Variants in BSPH1 observed in about 807,000 individuals in gnomAD.
BSPH1 encodes binder of sperm 1.
A neutral mutation model predicts 22.5 loss-of-function variants in BSPH1; 21 were observed. That is an observed-to-expected ratio of 0.93 (90% CI 0.66 to 1.35). The LOEUF is 1.35. Ranked by LOEUF, BSPH1 falls within the 40% of genes most tolerant of loss-of-function variation. The probability of loss-of-function intolerance (pLI) is 0.00; values close to 1 mark genes in which losing one functional copy is unlikely to be tolerated. For missense variants in BSPH1, 141 were observed against 154.2 expected, an observed-to-expected ratio of 0.91 and a Z score of 0.45; for synonymous variants, 42 against 53.6, an observed-to-expected ratio of 0.78 and a Z score of 0.95.
intron 1 of BSPH1, among the ~76,000 whole-genome samples, chr19:47,983,582 T>TGA (rs1386714084): frequency 6.6e-6 from 1 of 152,090 alleles, no homozygotes; most frequent in Non-Finnish European, 1.5e-5. Flanking sequence ...TGCTATAAAA[T>TGA]TATGAGTCCC....
At chr19:47,987,986 C>G (rs1969486753) in intron 1 of BSPH1, among the ~76,000 whole-genome samples, 1 of 151,510 alleles carries the variant, frequency 6.6e-6, no homozygotes, top group Non-Finnish European at 1.5e-5. Flanking sequence ...ACAGAGTGAG[C>G]CCTTGTCTCA....
chr19:47,972,280 CT>C lies in BSPH1; in HGVS notation c.*3-4072del, dbSNP rs71181620. 3.2e-3 allele frequency among the ~76,000 whole-genome samples: 443 copies of C among 136,724 alleles called. 1 individual carries two copies. The highest frequency in any genetic ancestry group is 4.9e-3 in the African/African-American group (174 of 35,294). The allele number at this position is 136,724 out of a possible 152,430, so 89.7% of individuals were successfully genotyped here. On this transcript the variant is annotated intron_variant, in intron 5 of 5. Transcript: ENST00000344839. ...GTTGTCCCATGCTAACCTTGATATT[CT>C]TTTTTTTTTTTTTTTTTAACTTTTA...
chr19:47,974,269 C>CTCTCTT (rs57733472), intron 5 of BSPH1, among the ~76,000 whole-genome samples: 1,682 of 75,902 alleles, frequency 0.022, 50 homozygotes, highest in African/African-American at 0.073. Context: ...CTCTCTCTCT[C>CTCTCTT]TTTTTTTTTT....
At chr19:47,967,580 A>C (rs1287627098), downstream of BSPH1, among the ~76,000 whole-genome samples, 4 of 152,178 alleles carry the variant, frequency 2.6e-5, no homozygotes, top group Non-Finnish European at 5.9e-5. Flanking sequence ...CCCTCTGTGC[A>C]CACACATCCC....
chr19:47,987,123 A>T (rs1482593018), intron 1 of BSPH1, among the ~76,000 whole-genome samples: 1 of 152,218 alleles, frequency 6.6e-6, no homozygotes, highest in Non-Finnish European at 1.5e-5. Context: ...GACCTATTTC[A>T]AATACAGTCA....
At chr19:47,989,390 C>T (rs949921624) in intron 1 of BSPH1, among the ~76,000 whole-genome samples, 10 of 151,994 alleles carry the variant, frequency 6.6e-5, no homozygotes, top group Admixed American at 2.0e-4. Flanking sequence ...GTGATCCGCC[C>T]GCCTCGGCCT....
intron 3 of BSPH1, chr19:47,977,809 C>T (rs1039201593): frequency 1.9e-5 from 6 of 323,768 alleles, no homozygotes; most frequent in Non-Finnish European, 2.2e-5. Flanking sequence ...CATTTATCTA[C>T]CCAACAATTC....
intron 5 of BSPH1, among the ~76,000 whole-genome samples, chr19:47,972,582 A>G (rs902155914): frequency 6.6e-6 from 1 of 152,088 alleles, no homozygotes; most frequent in Non-Finnish European, 1.5e-5. Flanking sequence ...TAACCTTGAT[A>G]TAGTTACGTG....
At position 47,976,611 on chromosome 19, in the gene BSPH1, C is replaced by T. The variant is rs568372115; in HGVS notation, c.*2+99G>A. On this transcript the variant is annotated intron_variant, in intron 5 of 5. Coordinates refer to ENST00000344839, the MANE Select transcript of BSPH1 (RefSeq NM_001128326.2). ...AAAAAAAAAAACAAAAAAAAACCCT[C>T]TCTAATGAGAAAGGGTTCTCCTCTG... 7.9e-5 allele frequency: 51 copies of T among 643,586 alleles called. 1 individual carries two copies. The South Asian group carries it at 1.1e-3, about 14-fold the overall frequency. The allele number at this position is 643,586 out of a possible 1,614,324, so 39.9% of individuals were successfully genotyped here. A position where few individuals can be genotyped will look rare whatever the true frequency, so the allele number is the denominator to read the frequency against.
At chr19:47,972,798 C>A (rs1429316351) in intron 5 of BSPH1, among the ~76,000 whole-genome samples, 1 of 151,296 alleles carries the variant, frequency 6.6e-6, no homozygotes, top group Non-Finnish European at 1.5e-5. Context: ...TAAAAAATTC[C>A]CAGTTTTATT....
At chr19:47,991,883 C>T in intron 1 of BSPH1, 126 bp downstream of exon 1, 1 of 533,756 alleles carries the variant, frequency 1.9e-6, no homozygotes, top group Non-Finnish European at 3.5e-6. Flanking sequence ...CCTCCTCCTT[C>T]CCCTCTTCCC....
At chr19:47,986,629 C>T (rs891890655) in intron 1 of BSPH1, among the ~76,000 whole-genome samples, 1 of 151,906 alleles carries the variant, frequency 6.6e-6, no homozygotes, top group African/African-American at 2.4e-5. Flanking sequence ...CCTGTAGTCC[C>T]AGCTACTTGG....
intron 3 of BSPH1, among the ~76,000 whole-genome samples, chr19:47,978,391 A>G (rs1305071448): frequency 6.6e-6 from 1 of 152,176 alleles, no homozygotes; most frequent in East Asian, 1.9e-4. Context: ...GTCATGAGCC[A>G]CTGAGTCCGG....
chr19:47,982,589 C>T (rs1969429102), intron 1 of BSPH1, among the ~76,000 whole-genome samples: 1 of 152,158 alleles, frequency 6.6e-6, no homozygotes, highest in Admixed American at 6.5e-5. Flanking sequence ...AACCCAGATC[C>T]CTTCCACTTC....
intron 5 of BSPH1, among the ~76,000 whole-genome samples, chr19:47,974,666 C>G (rs1270285981): frequency 6.6e-6 from 1 of 151,972 alleles, no homozygotes; most frequent in Non-Finnish European, 1.5e-5. Flanking sequence ...TTCTTCCTCC[C>G]TTGCTCTCCC....
chr19:47,975,790 G>C (rs965766270), intron 5 of BSPH1, among the ~76,000 whole-genome samples: 1 of 151,666 alleles, frequency 6.6e-6, no homozygotes, highest in Admixed American at 6.6e-5. Flanking sequence ...TGAGTAGCTG[G>C]GACTACAGGC....
chr19:47,971,740 T>C (rs945188761), intron 5 of BSPH1, among the ~76,000 whole-genome samples: 1 of 151,990 alleles, frequency 6.6e-6, no homozygotes, highest in Non-Finnish European at 1.5e-5. Flanking sequence ...ACAGACTGTC[T>C]GTCACTTAAT....
chr19:47,986,413 T>G (rs1969471453), intron 1 of BSPH1, among the ~76,000 whole-genome samples: 1 of 152,180 alleles, frequency 6.6e-6, no homozygotes, highest in South Asian at 2.1e-4. Context: ...CCGCGTGGCC[T>G]CTGTGATTGC....
intron 1 of BSPH1, among the ~76,000 whole-genome samples, chr19:47,989,835 T>C (rs561401439): frequency 6.6e-6 from 1 of 151,944 alleles, no homozygotes; most frequent in African/African-American, 2.4e-5. Flanking sequence ...TAAGAGACAA[T>C]AGGCTGTGTG....
Sources: allele counts gnomAD v4.1 joint callset (sites outside exome capture counted in the v4.1 genomes callset), GRCh38; gene constraint gnomAD v4.1.1; transcripts MANE v1.5; gene names NCBI Gene and HGNC (gene_info 2026-07-23, HGNC 2026-07-21).